Variants in PRKCA observed in about 807,000 individuals in gnomAD.
The protein encoded by PRKCA is protein kinase C alpha, also known as protein kinase C alpha type.
PRKCA carries 27 observed loss-of-function variants against 87.0 expected under a neutral mutation model. That is an observed-to-expected ratio of 0.31 (90% CI 0.23 to 0.43). The LOEUF is 0.43. Ranked by LOEUF, PRKCA falls within the 20% of genes least tolerant of loss-of-function variation. The pLI is 1.00. For missense variants in PRKCA, 518 were observed against 852.3 expected (o/e 0.61, Z 4.88); for synonymous variants, 329 against 311.1 (o/e 1.06, Z -0.61).
intron 16 of PRKCA, among the ~76,000 whole-genome samples, chr17:66,795,011 A>AT (rs1021184131): frequency 4.6e-5 from 7 of 151,682 alleles, no homozygotes; most frequent in East Asian, 3.9e-4. Flanking sequence ...GTTACTTTTC[A>AT]TTTTTTTTGC....
chr17:66,684,905 A>G (rs1281801477), intron 5 of PRKCA, among the ~76,000 whole-genome samples: 1 of 152,216 alleles, frequency 6.6e-6, no homozygotes, highest in Non-Finnish European at 1.5e-5. Context: ...AATCAGAGAG[A>G]GACCGTTGGC....
chr17:66,425,646 A>G (rs1912757799), intron 2 of PRKCA, among the ~76,000 whole-genome samples: 1 of 152,222 alleles, frequency 6.6e-6, no homozygotes, highest in South Asian at 2.1e-4. Flanking sequence ...GAAACTAAAC[A>G]GTGTTGCATG....
chr17:66,748,413 A>G (rs971005775), intron 13 of PRKCA, among the ~76,000 whole-genome samples: 3 of 152,230 alleles, frequency 2.0e-5, no homozygotes, highest in African/African-American at 7.2e-5. Flanking sequence ...CAAGAGTCCT[A>G]TTAATATTTG....
chr17:66,387,947 C>T (rs1028485027), intron 2 of PRKCA, among the ~76,000 whole-genome samples: 2 of 152,210 alleles, frequency 1.3e-5, no homozygotes, highest in South Asian at 4.1e-4. Context: ...GGTCCATTCC[C>T]AACTGTTCCT....
At chr17:66,742,849 T>G (rs1974186588) in intron 13 of PRKCA, 89 bp downstream of exon 13, 2 of 1,429,294 alleles carry the variant, frequency 1.4e-6, no homozygotes, top group Non-Finnish European at 1.9e-6. Flanking sequence ...TGGCGAATCA[T>G]GAAGTCAGTG....
intron 3 of PRKCA, among the ~76,000 whole-genome samples, chr17:66,522,819 AAAAAG>A (rs1598739651): frequency 6.6e-6 from 1 of 151,824 alleles, no homozygotes. Flanking sequence ...TAAAAAAAAA[AAAAAG>A]AAGAAGCCAG....
chr17:66,561,149 A>T (rs1351316361), intron 3 of PRKCA, among the ~76,000 whole-genome samples: 1 of 152,192 alleles, frequency 6.6e-6, no homozygotes, highest in Non-Finnish European at 1.5e-5. Flanking sequence ...AATTACACTG[A>T]TGGGATTAAT....
In PRKCA at chr17:66,786,972, G is replaced by C; in HGVS notation, c.1711G>C (p.Gly571Arg). 6.3e-7 allele frequency: 1 copy of C among 1,591,414 alleles called. No individual in the cohort carries two copies. The highest frequency in any genetic ancestry group is 2.2e-5 in the East Asian group (1 of 44,798). Reference sequence around the variant, plus strand: ...CAAGGAGGCTGTTTCTGTCTGCAAAGGAGTAAGTCGATTTGGATACCTTTT... The same window carrying C: ...CAAGGAGGCTGTTTCTGTCTGCAAACGAGTAAGTCGATTTGGATACCTTTT... Reference protein sequence around the residue: ...LSKEAVSVCKGLMTKHPAKRL... With the variant: ...LSKEAVSVCKRLMTKHPAKRL... The change falls in exon 15 of 17, where the codon GGA becomes CGA. Residue 571 changes from glycine to arginine, a missense_variant and splice_region_variant. Coordinates refer to ENST00000413366, the MANE Select transcript of PRKCA (RefSeq NM_002737.3).
chr17:66,386,301 G>A (rs913552411), intron 2 of PRKCA, among the ~76,000 whole-genome samples: 2 of 152,114 alleles, frequency 1.3e-5, no homozygotes, highest in South Asian at 2.1e-4. Context: ...TCGTTGTGTG[G>A]ATGTGCCAAA....
intron 2 of PRKCA, among the ~76,000 whole-genome samples, chr17:66,456,903 A>G (rs528111358): frequency 2.0e-5 from 3 of 152,264 alleles, no homozygotes; most frequent in East Asian, 3.9e-4. Context: ...GAGTTGTTTC[A>G]GTGGTTTAGG....
chr17:66,587,346 G>A (rs548946039), intron 3 of PRKCA, among the ~76,000 whole-genome samples: 7 of 152,196 alleles, frequency 4.6e-5, no homozygotes, highest in African/African-American at 1.7e-4. Flanking sequence ...TTATAATCTA[G>A]CATCATTTTG....
intron 2 of PRKCA, among the ~76,000 whole-genome samples, chr17:66,311,485 G>A (rs1245769920): frequency 6.6e-6 from 1 of 152,108 alleles, no homozygotes; most frequent in Non-Finnish European, 1.5e-5. Flanking sequence ...GCATGGTGGT[G>A]CAGCACCCGT....
intron 2 of PRKCA, among the ~76,000 whole-genome samples, chr17:66,460,751 T>C (rs1193878190): frequency 6.6e-6 from 1 of 152,162 alleles, no homozygotes; most frequent in Non-Finnish European, 1.5e-5. Context: ...TCCCCATTAT[T>C]TGACAGGCAG....
chr17:66,733,148 C>CAAAAA (rs34064109), intron 9 of PRKCA, among the ~76,000 whole-genome samples: 2 of 99,388 alleles, frequency 2.0e-5, no homozygotes, highest in Admixed American at 1.0e-4. Flanking sequence ...GACTCCGTCT[C>CAAAAA]AAAAAAAAAA....
chr17:66,684,857 T>C (rs1021738237), intron 5 of PRKCA, among the ~76,000 whole-genome samples: 2 of 152,246 alleles, frequency 1.3e-5, no homozygotes, highest in African/African-American at 4.8e-5. Context: ...GGGCATTTTC[T>C]GCCTTTTAAA....
At chr17:66,373,503 C>T (rs1430674583) in intron 2 of PRKCA, among the ~76,000 whole-genome samples, 4 of 152,142 alleles carry the variant, frequency 2.6e-5, no homozygotes, top group Non-Finnish European at 5.9e-5. Flanking sequence ...GTATGAATAC[C>T]CCAAAATATT....
chr17:66,371,416 C>T (rs72846678), intron 2 of PRKCA, among the ~76,000 whole-genome samples: 6,767 of 152,272 alleles, frequency 0.044, 219 homozygotes, highest in Admixed American at 0.077. Context: ...TGATCTTCCT[C>T]AATGGAAACC....
At chr17:66,714,578 C>G (rs1365769688) in intron 8 of PRKCA, among the ~76,000 whole-genome samples, 2 of 151,894 alleles carry the variant, frequency 1.3e-5, no homozygotes, top group African/African-American at 4.9e-5. Flanking sequence ...ACGCTGCCAC[C>G]TGGCAGCAGG....
intron 2 of PRKCA, among the ~76,000 whole-genome samples, chr17:66,325,308 A>G (rs1598591829): frequency 6.6e-6 from 1 of 152,110 alleles, no homozygotes; most frequent in South Asian, 2.1e-4. Flanking sequence ...AATTTTTCTA[A>G]TTTTTGTTGG....
Sources: gnomAD v4.1 joint callset for allele counts (sites outside exome capture counted in the v4.1 genomes callset) on GRCh38, gnomAD v4.1.1 for gene constraint, MANE v1.5 for transcripts, NCBI Gene and HGNC (gene_info 2026-07-23, HGNC 2026-07-21) for gene names.